The following SLC6A12 variants were observed in gnomAD, a reference collection of about 807,000 sequenced individuals.
The protein encoded by SLC6A12 is sodium- and chloride-dependent betaine transporter.
A neutral mutation model predicts 73.3 loss-of-function variants in SLC6A12; 50 were observed. The observed-to-expected ratio is 0.68, with a 90% CI of 0.54 to 0.86. SLC6A12 has a LOEUF of 0.86. Ranked by LOEUF, SLC6A12 falls within the 40% of genes least tolerant of loss-of-function variation. The probability of loss-of-function intolerance (pLI) is 0.00; values close to 1 mark genes in which losing one functional copy is unlikely to be tolerated. For synonymous variants in SLC6A12, 304 were observed against 309.2 expected, an observed-to-expected ratio of 0.98 and a Z score of 0.18; for missense variants, 648 against 772.8, an observed-to-expected ratio of 0.84 and a Z score of 1.92.
In SLC6A12 at chr12:210,078, G is replaced by A. The variant is rs929947012; in HGVS notation, c.-57-35C>T. On this transcript the variant is annotated intron_variant, in intron 2 of 15. Coordinates refer to ENST00000684302, the MANE Select transcript of SLC6A12 (RefSeq NM_001122848.3). ...AGAGAAGAAATTAGCTGTAAAACCC[G>A]ACATGCTCCCGCCAGCCCTGCTTTC... 1.4e-5 allele frequency: 21 copies of A among 1,520,348 alleles called. No individual in the cohort carries two copies. In the Admixed American group the frequency reaches 3.2e-4, roughly 23 times the overall value. The allele number at this position is 1,520,348 out of a possible 1,614,324, so 94.2% of individuals were successfully genotyped here.
intron 6 of SLC6A12, chr12:201,550 T>G (rs76737142): frequency 0.057 from 32,120 of 559,586 alleles, 1,199 homozygotes; most frequent in East Asian, 0.11. Flanking sequence ...AAGGTGGACA[T>G]GACGGATAAA....
intron 13 of SLC6A12, among the ~76,000 whole-genome samples, chr12:193,725 G>A (rs1591780048): frequency 6.6e-6 from 1 of 152,198 alleles, no homozygotes; most frequent in Non-Finnish European, 1.5e-5. Context: ...GTTTACCCGG[G>A]TAGCAGAGAT....
chr12:187,866 C>T (rs1412026557), downstream of SLC6A12, among the ~76,000 whole-genome samples: 1 of 152,156 alleles, frequency 6.6e-6, no homozygotes, highest in African/African-American at 2.4e-5. Flanking sequence ...TCCAAGTCCC[C>T]ACCAGAGAAG....
chr12:185,757 C>T (rs1939419332), downstream of SLC6A12, among the ~76,000 whole-genome samples: 1 of 152,186 alleles, frequency 6.6e-6, no homozygotes, highest in South Asian at 2.1e-4. Context: ...CTGCTGTGGC[C>T]AGACTGGAAG....
At chr12:212,462 G>A (rs932943674) in intron 1 of SLC6A12, among the ~76,000 whole-genome samples, 15 of 152,164 alleles carry the variant, frequency 9.9e-5, no homozygotes, top group Non-Finnish European at 1.9e-4. Context: ...AGAAATAGGG[G>A]AAGTGCAAAA....
chr12:201,868 G>T lies in SLC6A12; in HGVS notation c.491-19C>A. 6.2e-7 allele frequency: 1 copy of T among 1,605,216 alleles called. No homozygotes were observed. The highest frequency in any genetic ancestry group is 8.5e-7 in the Non-Finnish European group (1 of 1,172,058). ...CAATGCTCTGTTGGGGACAAGGTTA[G>T]GGACAAGATGGAGAGAGATGCTCTT... is the stretch of plus-strand genomic sequence containing the variant. On this transcript the variant is annotated intron_variant, in intron 5 of 15. Transcript: ENST00000684302.
Position 198,815 on chromosome 12 carries a change from G to C in SLC6A12, c.828C>G (p.Phe276Leu). ...GIIYYLKPDLFRLKDPQVWMD... is the reference protein window; with the variant it reads ...GIIYYLKPDLLRLKDPQVWMD... Reference sequence around the variant, plus strand: ...TACATACCTGAGGGTCCTTGAGGCGGAACAAATCTGGCTTCAAGTAGTAGA... The same window carrying C: ...TACATACCTGAGGGTCCTTGAGGCGCAACAAATCTGGCTTCAAGTAGTAGA... The change falls in exon 8 of 16, where the codon TTC becomes TTG. Residue 276 changes from phenylalanine to leucine, a missense_variant. Coordinates refer to ENST00000684302, the MANE Select transcript of SLC6A12 (RefSeq NM_001122848.3). This position sits in a 1 kb window ranked among gnomAD's most constrained non-coding sequence, Gnocchi z 4.0. 1.2e-6 allele frequency: 2 copies of C among 1,614,210 alleles called. No individual in the cohort carries two copies. Among genetic ancestry groups the C allele is most frequent in the Non-Finnish European group, 1.7e-6 (2 of 1,180,034 alleles).
At chr12:200,580 A>G (rs1411103828) in intron 7 of SLC6A12, 71 bp downstream of exon 7, 14 of 1,507,034 alleles carry the variant, frequency 9.3e-6, no homozygotes, top group African/African-American at 1.4e-5. Flanking sequence ...AGTTCTCCAG[A>G]GGGTCCCCCT....
intron 5 of SLC6A12, 145 bp from the exon 6 acceptor site, chr12:201,994 G>C: frequency 1.5e-6 from 1 of 649,744 alleles, no homozygotes; most frequent in Non-Finnish European, 2.7e-6. Context: ...CAGGGCATCA[G>C]GAGGCTCATA....
chr12:190,302 A>G lies in SLC6A12; in HGVS notation c.*766T>C, dbSNP rs1053459865. On this transcript the variant is annotated 3_prime_UTR_variant, in exon 16 of 16. Transcript: ENST00000684302. Reference sequence around the variant, plus strand: ...CAGGATGGCAAATGGTGCTGCCTGGAGCACATTCGGAAGGATTGTGAGGTG... The same window carrying G: ...CAGGATGGCAAATGGTGCTGCCTGGGGCACATTCGGAAGGATTGTGAGGTG... 9 of 152,248 alleles carry G rather than the reference A, an allele frequency of 5.9e-5. No individual in the cohort carries two copies. Among genetic ancestry groups the G allele is most frequent in the Admixed American group, 4.6e-4 (7 of 15,288 alleles). The allele number at this position is 152,248 out of a possible 1,614,324, so 9.4% of individuals were successfully genotyped here.
chr12:204,357 A>G lies in SLC6A12; in HGVS notation c.349+207T>C, dbSNP rs1447317871. 1.1e-5 allele frequency: 6 copies of G among 562,268 alleles called. No homozygotes were observed. In the African/African-American group the frequency reaches 1.1e-4, roughly 11 times the overall value. The allele number at this position is 562,268 out of a possible 1,614,324, so 34.8% of individuals were successfully genotyped here. A position where few individuals can be genotyped will look rare whatever the true frequency, so the allele number is the denominator to read the frequency against. On this transcript the variant is annotated intron_variant, in intron 4 of 15. Coordinates refer to ENST00000684302, the MANE Select transcript of SLC6A12 (RefSeq NM_001122848.3). ...TGGCCTCCCCCACCTCCCCACCATC[A>G]GTGCTAAGGGTCCCAGCTTGCTCGG...
chr12:185,979 G>A (rs7967836), downstream of SLC6A12, among the ~76,000 whole-genome samples: 4,155 of 152,290 alleles, frequency 0.027, 74 homozygotes, highest in Middle Eastern at 0.071. Context: ...AACCTGCAAG[G>A]AAGCTGGGCA....
At chr12:187,627 AAAAAC>A (rs1939459699), downstream of SLC6A12, among the ~76,000 whole-genome samples, 10 of 43,400 alleles carry the variant, frequency 2.3e-4, no homozygotes, top group South Asian at 7.2e-4. Context: ...AAAAAAAAAA[AAAAAC>A]AAACCACACA....
chr12:187,665 G>A (rs185987364), downstream of SLC6A12, among the ~76,000 whole-genome samples: 24 of 132,420 alleles, frequency 1.8e-4, no homozygotes, highest in African/African-American at 5.4e-4. Context: ...TGCACACAAC[G>A]CGACCCCAGC....
chr12:196,747 C>T (rs764156115), intron 11 of SLC6A12, 23 bp downstream of exon 11: 1 of 1,546,162 alleles, frequency 6.5e-7, no homozygotes, highest in Non-Finnish European at 8.9e-7. Context: ...CACGGCAGGG[C>T]AGGCTGGGCT....
chr12:197,274 A>G, intron 10 of SLC6A12, 103 bp downstream of exon 10: 1 of 1,337,944 alleles, frequency 7.5e-7, no homozygotes, highest in Admixed American at 2.7e-5. Flanking sequence ...CCCATAAATA[A>G]ATCATATTGC....
At chr12:186,137 C>A (rs1220164474), downstream of SLC6A12, among the ~76,000 whole-genome samples, 4 of 152,114 alleles carry the variant, frequency 2.6e-5, no homozygotes, top group African/African-American at 7.2e-5. Context: ...GGCAGAAGGG[C>A]ACGAGGGGGC....
At position 196,753 on chromosome 12, in the gene SLC6A12, G is replaced by A. The variant is rs1939887636; in HGVS notation, c.1188+17C>T. 4 of 1,568,826 alleles carry A rather than the reference G, an allele frequency of 2.5e-6. No homozygotes were observed. Among genetic ancestry groups the A allele is most frequent in the Non-Finnish European group, 3.5e-6 (4 of 1,139,634 alleles). ...GAGGGTCACCACGGCAGGGCAGGCT[G>A]GGCTGCAGTGACGTACCTGGCTGTC... On this transcript the variant is annotated intron_variant, in intron 11 of 15. Coordinates refer to ENST00000684302, the MANE Select transcript of SLC6A12 (RefSeq NM_001122848.3).
chr12:190,963 A>G lies in SLC6A12; in HGVS notation c.*105T>C. The G allele has an allele frequency of 9.6e-7, 1 of 1,039,106 alleles. No individual in the cohort carries two copies. Among genetic ancestry groups the G allele is most frequent in the Non-Finnish European group, 1.2e-6 (1 of 805,934 alleles). 64.4% of individuals were successfully genotyped at this position (1,039,106 alleles called of 1,614,324 possible). On this transcript the variant is annotated 3_prime_UTR_variant, in exon 16 of 16. Transcript: ENST00000684302. ...TGCCTGTGGCTCTCCAGAGGTTCCC[A>G]GCAGGATTGTGGCAGGAGACAGAGG...
Sources: gnomAD v4.1 joint callset for allele counts (sites outside exome capture counted in the v4.1 genomes callset) on GRCh38, gnomAD v4.1.1 for gene constraint, Gnocchi (gnomAD v3.1) non-coding constraint, MANE v1.5 for transcripts, NCBI Gene and HGNC (gene_info 2026-07-23, HGNC 2026-07-21) for gene names.